Variants in FAT4 observed in about 807,000 individuals in gnomAD.
The protein encoded by FAT4 is protocadherin Fat 4.
In FAT4, 84 loss-of-function variants were observed where a neutral mutation model predicts 303.9. That is an observed-to-expected ratio of 0.28 (90% CI 0.23 to 0.33). The LOEUF is 0.33. Among genes scored for constraint, FAT4 ranks in the 10% least tolerant of loss-of-function variants. The pLI, the probability that FAT4 is intolerant of heterozygous loss-of-function variation, is 1.00. For synonymous variants in FAT4, 2,307 were observed against 2,298.8 expected, an observed-to-expected ratio of 1.00 and a Z score of -0.10; for missense variants, 6,005 against 6,146.8, an observed-to-expected ratio of 0.98 and a Z score of 0.77.
chr4:125,408,643 A>G lies in FAT4; in HGVS notation c.5769A>G (p.Gly1923=), dbSNP rs1734720958. 1 of 1,610,424 alleles carries G rather than the reference A, an allele frequency of 6.2e-7. No individual in the cohort carries two copies. The highest frequency in any genetic ancestry group is 8.5e-7 in the Non-Finnish European group (1 of 1,177,170). ...CTGTTCGAGCAGAAGATGGTGGGGG[A>G]CAATTTACTACCATCAGAGTTTATT... is the stretch of plus-strand genomic sequence containing the variant. ...ILTVRAEDGG[G]QFTTIRVYFN... Residue 1923 remains glycine, a synonymous_variant, in exon 5 of 18, where the codon GGA becomes GGG. Coordinates refer to ENST00000394329, the MANE Select transcript of FAT4 (RefSeq NM_001291303.3).
At chr4:125,423,263 A>T (rs1042686899) in intron 7 of FAT4, among the ~76,000 whole-genome samples, 4 of 145,134 alleles carry the variant, frequency 2.8e-5, no homozygotes, top group African/African-American at 9.9e-5. Flanking sequence ...GACCTTCTCG[A>T]CAGCCTCTCC....
Position 125,491,140 on chromosome 4 carries a change from C to T in FAT4, c.14324C>T (p.Pro4775Leu), listed in dbSNP as rs537864241. Residue 4775 changes from proline (P) to leucine (L), a missense_variant, in exon 18 of 18, where the codon CCG (proline) becomes CTG (leucine). Pro to Leu is a moderately conservative substitution (Grantham distance 98). Coordinates refer to ENST00000394329, the MANE Select transcript of FAT4 (RefSeq NM_001291303.3). ...AGACCAGGGAGTCGCCTAAAGCAGCCGATTGGGCAGATTCCACTGGAATCT... is the reference window on the plus strand; with the variant it reads ...AGACCAGGGAGTCGCCTAAAGCAGCTGATTGGGCAGATTCCACTGGAATCT... ...GSRPGSRLKQ[P>L]IGQIPLESSP... 64 of 1,614,148 alleles carry T rather than the reference C, an allele frequency of 4.0e-5. No homozygotes were observed. In the South Asian group the frequency reaches 5.6e-4, roughly 14 times the overall value.
chr4:125,394,377 A>G (rs1734086607), intron 2 of FAT4, among the ~76,000 whole-genome samples: 1 of 152,232 alleles, frequency 6.6e-6, no homozygotes, highest in South Asian at 2.1e-4. Flanking sequence ...ATGTAAAGAT[A>G]AATGTAAAAC....
intron 2 of FAT4, among the ~76,000 whole-genome samples, chr4:125,364,588 G>T (rs924705199): frequency 1.3e-5 from 2 of 152,032 alleles, no homozygotes; most frequent in Admixed American, 1.3e-4. Flanking sequence ...CGATACGAAG[G>T]ATCGCTTGAA....
At chr4:125,334,377 T>C (rs1407802383) in intron 2 of FAT4, among the ~76,000 whole-genome samples, 1 of 152,116 alleles carries the variant, frequency 6.6e-6, no homozygotes, top group East Asian at 1.9e-4. Flanking sequence ...TTGTTGTCCC[T>C]AAATCCCATT....
At chr4:125,488,979 G>A (rs1727506797) in intron 17 of FAT4, among the ~76,000 whole-genome samples, 1 of 152,048 alleles carries the variant, frequency 6.6e-6, no homozygotes, top group Admixed American at 6.6e-5. Context: ...AAGAAAAGAT[G>A]TCACAAAAGC....
At chr4:125,333,378 G>C (rs1353985642) in intron 2 of FAT4, among the ~76,000 whole-genome samples, 1 of 152,108 alleles carries the variant, frequency 6.6e-6, no homozygotes, top group Non-Finnish European at 1.5e-5. Flanking sequence ...ATCTTCACTA[G>C]TTCAATGACA....
intron 2 of FAT4, among the ~76,000 whole-genome samples, chr4:125,322,421 G>A (rs954039688): frequency 1.3e-5 from 2 of 152,032 alleles, no homozygotes; most frequent in South Asian, 2.1e-4. Flanking sequence ...TCCTTGTATC[G>A]TTGATTTGCT....
In FAT4 at chr4:125,448,155, A is replaced by G. The variant is rs1312088615; in HGVS notation, c.7451-306A>G. On this transcript the variant is annotated intron_variant, in intron 9 of 17. Coordinates refer to ENST00000394329, the MANE Select transcript of FAT4 (RefSeq NM_001291303.3). ...TGTGCAGATTTTTCTCCTAGAAACT[A>G]TGATTTTTGAACGATTAGCAAGTTC... is the stretch of plus-strand genomic sequence containing the variant. Among the ~76,000 whole-genome samples the G allele has an allele frequency of 2.0e-5, 3 of 152,130 alleles. No homozygotes were observed. The East Asian group carries it at 5.8e-4, about 29-fold the overall frequency.
At chr4:125,323,959 G>A (rs1731052857) in intron 2 of FAT4, among the ~76,000 whole-genome samples, 1 of 152,130 alleles carries the variant, frequency 6.6e-6, no homozygotes, top group African/African-American at 2.4e-5. Context: ...AATTTCATCT[G>A]CATTCTTTTC....
chr4:125,415,248 C>G lies in FAT4; in HGVS notation c.6285C>G (p.Asn2095Lys). The G allele has an allele frequency of 1.9e-6, 3 of 1,614,044 alleles. No homozygotes were observed. The highest frequency in any genetic ancestry group is 1.7e-6 in the Non-Finnish European group (2 of 1,179,980). ...ACACTCTGCTGAACCCTTTGGGAAA[C>G]AAGTTCAGTATTGGGACCATTGATG... ...IEYTLLNPLG[N>K]KFSIGTIDGE... is the part of the protein sequence containing the mutation. The change falls in exon 6 of 18, where the codon AAC (asparagine) becomes AAG (lysine). Residue 2095 changes from asparagine (N) to lysine (K), a missense_variant. Asn to Lys is a moderately conservative substitution (Grantham distance 94). Transcript: ENST00000394329.
chr4:125,450,543 G>T lies in FAT4; in HGVS notation c.9533G>T (p.Gly3178Val), dbSNP rs1306276539. The T allele has an allele frequency of 2.5e-6, 4 of 1,614,008 alleles. No homozygotes were observed. Among genetic ancestry groups the T allele is most frequent in the Non-Finnish European group, 3.4e-6 (4 of 1,180,014 alleles). ...GATGGAGGATGGGTTGCAAGAACTG[G>T]TTACTGCAGTGTGACCGTAAATGTG... ...AIDGGWVART[G>V]YCSVTVNVID... is the part of the protein sequence containing the mutation. Residue 3178 changes from glycine to valine, a missense_variant, in exon 10 of 18, where the codon GGT becomes GTT. By Grantham distance (109) the Gly-to-Val change is moderately radical. Transcript: ENST00000394329.
At chr4:125,418,806 C>G (rs2126030944) in intron 7 of FAT4, among the ~76,000 whole-genome samples, 1 of 152,238 alleles carries the variant, frequency 6.6e-6, no homozygotes, top group Admixed American at 6.5e-5. Context: ...AGAATTTGCT[C>G]AAAAGCAGTT....
chr4:125,362,875 A>G (rs1732724957), intron 2 of FAT4: 1 of 152,138 alleles, frequency 6.6e-6, no homozygotes, highest in African/African-American at 2.4e-5. Flanking sequence ...AATTACAGAC[A>G]GAACTCCTTA....
At chr4:125,378,878 A>T (rs934057673) in intron 2 of FAT4, among the ~76,000 whole-genome samples, 32 of 152,308 alleles carry the variant, frequency 2.1e-4, no homozygotes, top group Middle Eastern at 6.8e-3. Context: ...CTAAAGGGAA[A>T]TTCCACTGGC....
intron 7 of FAT4, among the ~76,000 whole-genome samples, chr4:125,421,264 C>A (rs1471821168): frequency 1.3e-5 from 2 of 152,118 alleles, no homozygotes; most frequent in African/African-American, 4.8e-5. Context: ...TTTCCCAAAG[C>A]AAACAATTGT....
chr4:125,393,180 GGTT>G (rs1405313205), intron 2 of FAT4, among the ~76,000 whole-genome samples: 1 of 152,120 alleles, frequency 6.6e-6, no homozygotes, highest in Non-Finnish European at 1.5e-5. Context: ...ATTGCAGGAA[GGTT>G]GTGAATTAAA....
intron 7 of FAT4, among the ~76,000 whole-genome samples, chr4:125,426,437 G>C (rs1725089766): frequency 6.6e-6 from 1 of 151,798 alleles, no homozygotes; most frequent in Non-Finnish European, 1.5e-5. Flanking sequence ...TATTTCCATT[G>C]GCATATTTGT....
intron 2 of FAT4, among the ~76,000 whole-genome samples, chr4:125,322,382 T>A (rs1173354687): frequency 6.6e-6 from 1 of 152,220 alleles, no homozygotes; most frequent in African/African-American, 2.4e-5. Context: ...AAGCTCAGCC[T>A]TCCCTGGAGT....
Sources: allele counts gnomAD v4.1 joint callset (sites outside exome capture counted in the v4.1 genomes callset), GRCh38; gene constraint gnomAD v4.1.1; transcripts MANE v1.5; gene names NCBI Gene and HGNC (gene_info 2026-07-23, HGNC 2026-07-21).